The following CNTNAP2 variants were observed in gnomAD, a reference collection of about 807,000 sequenced individuals.
CNTNAP2 encodes contactin-associated protein-like 2.
In CNTNAP2, 98 loss-of-function variants were observed where a neutral mutation model predicts 155.2. The observed-to-expected ratio is 0.63, with a 90% CI of 0.54 to 0.75. The LOEUF is 0.75. Ranked by LOEUF, CNTNAP2 falls within the 30% of genes least tolerant of loss-of-function variation. The pLI, the probability that CNTNAP2 is intolerant of heterozygous loss-of-function variation, is 0.00. For missense variants in CNTNAP2, 1,727 were observed against 1,688.1 expected (o/e 1.02, Z -0.40); for synonymous variants, 651 against 631.2 (o/e 1.03, Z -0.47).
chr7:146,512,125 A>T (rs1334099619), intron 1 of CNTNAP2, among the ~76,000 whole-genome samples: 4 of 151,932 alleles, frequency 2.6e-5, no homozygotes, highest in Non-Finnish European at 5.9e-5. Flanking sequence ...ATTAAATACA[A>T]AGCTGTAATG....
intron 1 of CNTNAP2, among the ~76,000 whole-genome samples, chr7:146,669,367 C>G (rs957538691): frequency 1.3e-5 from 2 of 152,102 alleles, no homozygotes; most frequent in Admixed American, 6.6e-5. Flanking sequence ...GACTTCTTTA[C>G]CCACTCTTAG....
intron 4 of CNTNAP2, chr7:147,082,477 C>G (rs1229587874): frequency 6.6e-6 from 1 of 152,138 alleles, no homozygotes; most frequent in Non-Finnish European, 1.5e-5. Flanking sequence ...GAAAACTAGT[C>G]TGAGTTCTGT....
chr7:146,395,196 C>T (rs1639479), intron 1 of CNTNAP2, among the ~76,000 whole-genome samples: 20,339 of 152,092 alleles, frequency 0.13, 1,638 homozygotes, highest in African/African-American at 0.23. Flanking sequence ...AATAGTGCTG[C>T]GGTAAACATA....
chr7:146,806,997 A>G lies in CNTNAP2; in HGVS notation c.208+32616A>G, dbSNP rs142134958. On this transcript the variant is annotated intron_variant, in intron 2 of 23. Coordinates refer to ENST00000361727, the MANE Select transcript of CNTNAP2 (RefSeq NM_014141.6). ...TTTGGAACAATGCTTGGCAAACGAA[A>G]GCAACATAAGACTGCCCCTTAAATG... 1.9e-3 allele frequency among the ~76,000 whole-genome samples: 284 copies of G among 152,348 alleles called. 1 individual carries two copies. The highest frequency in any genetic ancestry group is 6.3e-3 in the African/African-American group (262 of 41,582).
intron 9 of CNTNAP2, among the ~76,000 whole-genome samples, chr7:147,316,790 C>A (rs1220294947): frequency 2.0e-5 from 3 of 152,096 alleles, no homozygotes; most frequent in Non-Finnish European, 4.4e-5. Context: ...CAGAAAGATG[C>A]TAAAAGATAC....
chr7:147,079,151 T>C (rs548827294), intron 4 of CNTNAP2, among the ~76,000 whole-genome samples: 8 of 152,332 alleles, frequency 5.3e-5, no homozygotes, highest in African/African-American at 1.9e-4. Context: ...TAACTATTGT[T>C]ATAAAGATTT....
intron 11 of CNTNAP2, among the ~76,000 whole-genome samples, chr7:147,529,355 T>C (rs1423435470): frequency 6.6e-6 from 1 of 152,208 alleles, no homozygotes; most frequent in African/African-American, 2.4e-5. Flanking sequence ...TTCTCATTCC[T>C]TCCATTATTC....
chr7:148,259,695 G>T (rs1300587886), intron 20 of CNTNAP2, among the ~76,000 whole-genome samples: 1 of 152,200 alleles, frequency 6.6e-6, no homozygotes, highest in Non-Finnish European at 1.5e-5. Flanking sequence ...GTAAACGGCT[G>T]ATGAAATCCC....
intron 3 of CNTNAP2, among the ~76,000 whole-genome samples, chr7:146,956,298 T>C (rs997315186): frequency 3.3e-5 from 5 of 152,146 alleles, no homozygotes; most frequent in African/African-American, 1.2e-4. Flanking sequence ...TATCAAATGG[T>C]TGCGTAAGTA....
chr7:148,142,881 G>A (rs1805103567), intron 16 of CNTNAP2, among the ~76,000 whole-genome samples: 1 of 152,186 alleles, frequency 6.6e-6, no homozygotes, highest in Non-Finnish European at 1.5e-5. Context: ...GCGTGAACAT[G>A]CCAAGAGCTC....
chr7:146,156,387 C>A (rs1275099178), intron 1 of CNTNAP2, among the ~76,000 whole-genome samples: 1 of 152,122 alleles, frequency 6.6e-6, no homozygotes, highest in African/African-American at 2.4e-5. Context: ...CTTTTGAAAT[C>A]ACAGAAGAAA....
chr7:148,200,120 T>A (rs1379408764), intron 18 of CNTNAP2, among the ~76,000 whole-genome samples: 1 of 152,224 alleles, frequency 6.6e-6, no homozygotes, highest in Middle Eastern at 3.2e-3. Flanking sequence ...ACTGAGATGC[T>A]AATCTCCTCC....
chr7:147,695,359 C>G (rs1796146199), intron 13 of CNTNAP2, among the ~76,000 whole-genome samples: 1 of 152,074 alleles, frequency 6.6e-6, no homozygotes, highest in Non-Finnish European at 1.5e-5. Flanking sequence ...CCTAGATGAT[C>G]TAGTGTTTTT....
intron 3 of CNTNAP2, among the ~76,000 whole-genome samples, chr7:146,981,151 G>T (rs1342869585): frequency 6.6e-6 from 1 of 152,114 alleles, no homozygotes; most frequent in Non-Finnish European, 1.5e-5. Flanking sequence ...TTAGAAATTT[G>T]TGCAACTAAG....
At chr7:148,335,217 C>G (rs1040434086) in intron 21 of CNTNAP2, among the ~76,000 whole-genome samples, 2 of 152,160 alleles carry the variant, frequency 1.3e-5, no homozygotes, top group African/African-American at 4.8e-5. Flanking sequence ...AAAGAGAGGC[C>G]AACCCACTCT....
At chr7:146,617,353 T>A (rs1225525708) in intron 1 of CNTNAP2, among the ~76,000 whole-genome samples, 1 of 152,238 alleles carries the variant, frequency 6.6e-6, no homozygotes, top group African/African-American at 2.4e-5. Flanking sequence ...CAAAAATTTG[T>A]GAGCCTGTGC....
At chr7:148,154,865 G>A (rs1295109186) in intron 17 of CNTNAP2, among the ~76,000 whole-genome samples, 2 of 151,920 alleles carry the variant, frequency 1.3e-5, no homozygotes, top group African/African-American at 4.8e-5. Context: ...TGAACCCAGT[G>A]GGCAGAGGTC....
At chr7:146,722,724 A>G (rs894198977) in intron 1 of CNTNAP2, among the ~76,000 whole-genome samples, 4 of 151,970 alleles carry the variant, frequency 2.6e-5, no homozygotes, top group African/African-American at 9.7e-5. Flanking sequence ...ATATATATAT[A>G]TATACACGTT....
chr7:146,568,167 G>C (rs1157299232), intron 1 of CNTNAP2, among the ~76,000 whole-genome samples: 3 of 151,980 alleles, frequency 2.0e-5, no homozygotes, highest in African/African-American at 7.3e-5. Flanking sequence ...TTTGACTTCG[G>C]GCTTTCCAAA....
Sources: gnomAD v4.1 joint callset for allele counts (sites outside exome capture counted in the v4.1 genomes callset) on GRCh38, gnomAD v4.1.1 for gene constraint, MANE v1.5 for transcripts, NCBI Gene and HGNC (gene_info 2026-07-23, HGNC 2026-07-21) for gene names.